PRR16: variants seen among roughly 807,000 people sequenced by gnomAD.
PRR16 encodes the protein proline rich 16, also known as protein Largen.
In PRR16, 6 loss-of-function variants were observed where a neutral mutation model predicts 18.2. The ratio of observed to expected loss-of-function variants is 0.33; its 90% CI spans 0.18 to 0.65. The LOEUF is 0.65. PRR16 is among the 30% of genes least tolerant of loss of function. The pLI is 0.74. For synonymous variants in PRR16, 151 were observed against 147.8 expected (o/e 1.02, Z -0.16); for missense variants, 412 against 376.6 (o/e 1.09, Z -0.78).
At chr5:120,661,488 A>G (rs191804585) in intron 1 of PRR16, among the ~76,000 whole-genome samples, 428 of 152,260 alleles carry the variant, frequency 2.8e-3, no homozygotes, top group Middle Eastern at 0.01. Context: ...TTTCAGAGAA[A>G]TTAGCCTCTT....
At chr5:120,532,515 A>G (rs1017646365) in intron 1 of PRR16, among the ~76,000 whole-genome samples, 1 of 152,064 alleles carries the variant, frequency 6.6e-6, no homozygotes, top group Admixed American at 6.6e-5. Flanking sequence ...GTTGAATCTT[A>G]TATGACATCA....
intron 1 of PRR16, among the ~76,000 whole-genome samples, chr5:120,666,560 G>A (rs1417539959): frequency 1.9e-4 from 29 of 152,090 alleles, no homozygotes; most frequent in Non-Finnish European, 4.0e-4. Flanking sequence ...AATGCTTCCA[G>A]TTTTTGCCCA....
chr5:120,737,158 A>G, the PRR16 span, among the ~76,000 whole-genome samples: 1 of 152,178 alleles, frequency 6.6e-6, no homozygotes, highest in Non-Finnish European at 1.5e-5. Context: ...ATGCTGAATA[A>G]AAGTGGTAAG....
intron 1 of PRR16, among the ~76,000 whole-genome samples, chr5:120,489,300 G>T (rs6882134): frequency 0.71 from 107,939 of 151,958 alleles, 39,505 homozygotes; most frequent in East Asian, 0.94. Context: ...TCTCTTTGTA[G>T]GTCTCTAAGG....
At chr5:120,613,893 T>G (rs1283795969) in intron 1 of PRR16, among the ~76,000 whole-genome samples, 1 of 152,202 alleles carries the variant, frequency 6.6e-6, no homozygotes, top group African/African-American at 2.4e-5. Flanking sequence ...ACAAATTTCC[T>G]TTGATTCTCA....
At chr5:120,487,962 GTA>G (rs1180418896) in intron 1 of PRR16, among the ~76,000 whole-genome samples, 2 of 152,098 alleles carry the variant, frequency 1.3e-5, no homozygotes, top group Non-Finnish European at 2.9e-5. Context: ...ATTGATTTGT[GTA>G]TGTTGAACCA....
intron 1 of PRR16, among the ~76,000 whole-genome samples, chr5:120,634,279 G>T (rs62376458): frequency 0.26 from 39,284 of 152,052 alleles, 6,098 homozygotes; most frequent in Middle Eastern, 0.41. Context: ...TGATAGTAGT[G>T]ACAAAACCTC....
the PRR16 span, among the ~76,000 whole-genome samples, chr5:120,761,974 T>C: frequency 6.6e-6 from 1 of 152,298 alleles, no homozygotes; most frequent in South Asian, 2.1e-4. Flanking sequence ...ATATGCAATG[T>C]TCATCTTACT....
the PRR16 span, among the ~76,000 whole-genome samples, chr5:120,753,846 A>G: frequency 8.6e-6 from 1 of 116,202 alleles, no homozygotes; most frequent in Non-Finnish European, 1.7e-5. Flanking sequence ...TATAACTTAT[A>G]TATTATATAT....
At chr5:120,638,723 C>T (rs1004255213) in intron 1 of PRR16, among the ~76,000 whole-genome samples, 2 of 152,038 alleles carry the variant, frequency 1.3e-5, no homozygotes, top group Admixed American at 6.6e-5. Context: ...ACATGCGTAG[C>T]AACACATATA....
intron 1 of PRR16, among the ~76,000 whole-genome samples, chr5:120,680,221 G>C (rs1465646833): frequency 6.6e-6 from 1 of 151,994 alleles, no homozygotes; most frequent in Non-Finnish European, 1.5e-5. Flanking sequence ...TCCCTCATTC[G>C]TTCCTGTCTC....
In PRR16 at chr5:120,650,833, G is replaced by T. The variant is rs376257990; in HGVS notation, c.160-35121G>T. The stretch of plus-strand genomic sequence containing the variant: ...AGCAGCATGATTTATAGTCCTTTGG[G>T]TATATACCCAGTAAAGGGATTGCTG... On this transcript the variant is annotated intron_variant, in intron 1 of 1. Transcript: ENST00000407149. Among the ~76,000 whole-genome samples, 37 of 152,168 alleles carry T rather than the reference G, an allele frequency of 2.4e-4. No individual in the cohort carries two copies. The East Asian group carries it at 6.2e-3, about 25-fold the overall frequency.
rs148660787 is a variant in PRR16, at chr5:120,664,952, A to T, written c.160-21002A>T. Reference sequence around the variant, plus strand: ...GTATCTTTATAGCAGTGTGATTTATAGTCCTTTGGGTATATACCCAGTAAA... The same window carrying T: ...GTATCTTTATAGCAGTGTGATTTATTGTCCTTTGGGTATATACCCAGTAAA... On this transcript the variant is annotated intron_variant, in intron 1 of 1. Transcript: ENST00000407149. Among the ~76,000 whole-genome samples, 267 of 151,834 alleles carry T rather than the reference A, an allele frequency of 1.8e-3. 1 individual carries two copies. Among genetic ancestry groups the T allele is most frequent in the African/African-American group, 6.1e-3 (254 of 41,426 alleles).
At chr5:120,568,385 A>G (rs916664442) in intron 1 of PRR16, among the ~76,000 whole-genome samples, 6 of 152,168 alleles carry the variant, frequency 3.9e-5, no homozygotes, top group African/African-American at 1.4e-4. Context: ...GGAGCAAGAG[A>G]TGAACTTAAT....
intron 1 of PRR16, among the ~76,000 whole-genome samples, chr5:120,659,644 C>T (rs1361054579): frequency 6.6e-6 from 1 of 151,958 alleles, no homozygotes; most frequent in Non-Finnish European, 1.5e-5. Flanking sequence ...TTCAACATAG[C>T]TTTTTCTTTC....
intron 1 of PRR16, among the ~76,000 whole-genome samples, chr5:120,521,155 G>T (rs1179896873): frequency 1.3e-5 from 2 of 152,054 alleles, no homozygotes. Context: ...CCAAACCAAG[G>T]ATACAGGATT....
At chr5:120,525,666 G>A (rs1387530403) in intron 1 of PRR16, among the ~76,000 whole-genome samples, 6 of 149,492 alleles carry the variant, frequency 4.0e-5, no homozygotes, top group African/African-American at 1.2e-4. Context: ...GTATTGTCAG[G>A]GACATTGTCT....
At chr5:120,488,114 T>A (rs553670422) in intron 1 of PRR16, among the ~76,000 whole-genome samples, 1 of 152,324 alleles carries the variant, frequency 6.6e-6, no homozygotes, top group South Asian at 2.1e-4. Context: ...ATTCTCTTTT[T>A]TTGTTATGTC....
At chr5:120,751,679 G>T in the PRR16 span, among the ~76,000 whole-genome samples, 1 of 151,966 alleles carries the variant, frequency 6.6e-6, no homozygotes, top group African/African-American at 2.4e-5. Context: ...ATATGAACAT[G>T]CTTTCTTTCT....
Sources: gnomAD v4.1 joint callset for allele counts (sites outside exome capture counted in the v4.1 genomes callset) on GRCh38, gnomAD v4.1.1 for gene constraint, MANE v1.5 for transcripts, NCBI Gene and HGNC (gene_info 2026-07-23, HGNC 2026-07-21) for gene names.